DOCK5: variants seen among roughly 807,000 people sequenced by gnomAD.
DOCK5 encodes dedicator of cytokinesis 5.
DOCK5 carries 142 observed loss-of-function variants against 251.8 expected under a neutral mutation model. The ratio of observed to expected loss-of-function variants is 0.56; its 90% CI spans 0.49 to 0.65. The LOEUF is 0.65. DOCK5 is among the 30% of genes least tolerant of loss of function. DOCK5 has a pLI of 0.00. For missense variants in DOCK5, 2,111 were observed against 2,312.3 expected (o/e 0.91, Z 1.79); for synonymous variants, 842 against 835.5 (o/e 1.01, Z -0.13).
rs2117476694 is a variant in DOCK5 at position 25,209,678 on chromosome 8, G to A, written c.43+24727G>A. ...CTCAAGGATCCCAGCTTAAGAAGAA[G>A]TCTTGCATGAGATGATGTCTGAACT... On this transcript the variant is annotated intron_variant, in intron 1 of 51. Coordinates refer to ENST00000276440, the MANE Select transcript of DOCK5 (RefSeq NM_024940.8). 2.9e-5 allele frequency among the ~76,000 whole-genome samples: 2 copies of A among 69,582 alleles called. 1 individual carries two copies. Among genetic ancestry groups the A allele is most frequent in the South Asian group, 7.7e-4 (2 of 2,592 alleles). The allele number at this position is 69,582 out of a possible 152,430, so 45.6% of individuals were successfully genotyped here.
At chr8:25,187,470 T>C (rs534313236) in intron 1 of DOCK5, among the ~76,000 whole-genome samples, 2 of 151,770 alleles carry the variant, frequency 1.3e-5, no homozygotes, top group East Asian at 2.0e-4. Flanking sequence ...TGAACACTTA[T>C]TTCACCAGAC....
chr8:25,278,519 G>C, intron 4 of DOCK5, 50 bp from the exon 5 acceptor site: 1 of 1,555,274 alleles, frequency 6.4e-7, no homozygotes, highest in Non-Finnish European at 8.9e-7. Flanking sequence ...ATCAAGTAAA[G>C]CAGTGCTGAT....
chr8:25,189,521 C>T (rs1801521922), intron 1 of DOCK5, among the ~76,000 whole-genome samples: 1 of 152,104 alleles, frequency 6.6e-6, no homozygotes, highest in Non-Finnish European at 1.5e-5. Context: ...CCACCACAAC[C>T]AGTTGATTTT....
In DOCK5 at chr8:25,411,943, C is replaced by T. The variant is rs17053644; in HGVS notation, c.*645C>T. 0.062 allele frequency: 9,441 copies of T among 152,218 alleles called. 369 individuals carry two copies. The highest frequency in any genetic ancestry group is 0.1 in the South Asian group (486 of 4,824). 9.4% of individuals were successfully genotyped at this position (152,218 alleles called of 1,614,324 possible). On this transcript the variant is annotated 3_prime_UTR_variant, in exon 52 of 52. Transcript: ENST00000276440. ...TCAGCCCTGAGTTCTTGAGTCCACC[C>T]AACTCCCATCTTCTTGTGGCACAGG...
intron 20 of DOCK5, 39 bp downstream of exon 20, chr8:25,332,731 A>G (rs1395406648): frequency 5.4e-6 from 8 of 1,479,918 alleles, no homozygotes; most frequent in African/African-American, 1.4e-5. Context: ...TTATTGTTGC[A>G]ACTTTGTAGT....
Position 25,279,104 on chromosome 8 carries a change from G to A in DOCK5, c.321+439G>A, listed in dbSNP as rs554871401. On this transcript the variant is annotated intron_variant, in intron 5 of 51. Transcript: ENST00000276440. ...AAATTTATCGATATTTCAGGGCTCA[G>A]CTGCATGAGGATGACATTCTTTACC... Among the ~76,000 whole-genome samples the A allele has an allele frequency of 3.3e-5, 5 of 152,248 alleles. No individual in the cohort carries two copies. The East Asian group carries it at 9.7e-4, about 29-fold the overall frequency.
chr8:25,376,111 A>AAG, intron 37 of DOCK5: 1 of 984,848 alleles, frequency 1.0e-6, no homozygotes, highest in Non-Finnish European at 1.2e-6. Flanking sequence ...AAGAAAAAAA[A>AAG]AAAAAAAAAG....
intron 16 of DOCK5, 52 bp from the exon 17 acceptor site, chr8:25,323,796 C>T (rs551407102): frequency 3.8e-6 from 6 of 1,572,404 alleles, no homozygotes; most frequent in East Asian, 2.3e-5. Context: ...TCATAGCCAT[C>T]GCCTCCTGGT....
chr8:25,267,041 G>T (rs148924940), intron 2 of DOCK5, among the ~76,000 whole-genome samples: 1 of 152,152 alleles, frequency 6.6e-6, no homozygotes, highest in African/African-American at 2.4e-5. Context: ...TTCTCAGCCT[G>T]CCCGCCTCCC....
At chr8:25,339,668 A>G (rs1805902193) in intron 22 of DOCK5, among the ~76,000 whole-genome samples, 1 of 152,180 alleles carries the variant, frequency 6.6e-6, no homozygotes, top group African/African-American at 2.4e-5. Flanking sequence ...AGGGCACCAA[A>G]TGTGGATGCG....
intron 22 of DOCK5, among the ~76,000 whole-genome samples, chr8:25,337,753 T>C (rs992029419): frequency 1.3e-5 from 2 of 151,750 alleles, no homozygotes; most frequent in African/African-American, 2.4e-5. Context: ...GCCCAGCTAA[T>C]TTTTTTGTAT....
At chr8:25,356,850 T>G (rs557902106) in intron 27 of DOCK5, among the ~76,000 whole-genome samples, 2 of 146,310 alleles carry the variant, frequency 1.4e-5, no homozygotes, top group Admixed American at 1.4e-4. Context: ...TTTTTTATAG[T>G]TAAAATACAA....
At chr8:25,285,839 T>A (rs1469195709) in intron 5 of DOCK5, among the ~76,000 whole-genome samples, 4 of 152,166 alleles carry the variant, frequency 2.6e-5, no homozygotes, top group Admixed American at 2.6e-4. Context: ...ATCTGGGAGT[T>A]GCAAGCCCTG....
chr8:25,228,331 G>A (rs1802582337), intron 1 of DOCK5, among the ~76,000 whole-genome samples: 1 of 152,214 alleles, frequency 6.6e-6, no homozygotes, highest in Non-Finnish European at 1.5e-5. Context: ...ATGCAGGATA[G>A]GTGTGTCCCC....
chr8:25,205,871 C>G (rs1240662358), intron 1 of DOCK5, among the ~76,000 whole-genome samples: 2 of 152,194 alleles, frequency 1.3e-5, no homozygotes, highest in East Asian at 3.8e-4. Context: ...AATGCCATTG[C>G]ACACTTAATT....
chr8:25,333,532 G>A (rs138218011), intron 20 of DOCK5, among the ~76,000 whole-genome samples: 1 of 152,290 alleles, frequency 6.6e-6, no homozygotes, highest in African/African-American at 2.4e-5. Context: ...CATAGCAGCT[G>A]GCAGTGGGCA....
Position 25,415,026 on chromosome 8 carries a change from T to C in DOCK5, c.*3728T>C, listed in dbSNP as rs561450694. ...GGGGAGGATCTGAAGGAAACTAGTT[T>C]TCTGTACAAAGGCTTTGAGGTCCAT... On this transcript the variant is annotated 3_prime_UTR_variant, in exon 52 of 52. Coordinates refer to ENST00000276440, the MANE Select transcript of DOCK5 (RefSeq NM_024940.8). The C allele has an allele frequency of 2.6e-5, 4 of 151,774 alleles. No individual in the cohort carries two copies. The highest frequency in any genetic ancestry group is 9.7e-5 in the African/African-American group (4 of 41,418). The allele number at this position is 151,774 out of a possible 1,614,324, so 9.4% of individuals were successfully genotyped here.
At chr8:25,354,519 G>A (rs1030382666) in intron 27 of DOCK5, among the ~76,000 whole-genome samples, 7 of 152,190 alleles carry the variant, frequency 4.6e-5, no homozygotes, top group African/African-American at 1.7e-4. Context: ...TGTAAAGGCA[G>A]CAGTACTCCC....
intron 12 of DOCK5, 51 bp from the exon 13 acceptor site, chr8:25,310,356 G>GTT: frequency 6.4e-7 from 1 of 1,558,166 alleles, no homozygotes. Flanking sequence ...TTACGCATGT[G>GTT]TTTTATACAT....
Sources: allele counts gnomAD v4.1 joint callset (sites outside exome capture counted in the v4.1 genomes callset), GRCh38; gene constraint gnomAD v4.1.1; transcripts MANE v1.5; gene names NCBI Gene and HGNC (gene_info 2026-07-23, HGNC 2026-07-21).